The following PUDP variants were observed in gnomAD, a reference collection of about 807,000 sequenced individuals.
PUDP encodes the protein pseudouridine-5'-phosphatase.
Under a neutral mutation model 9.4 loss-of-function variants are expected in PUDP, and 8 were observed. The observed-to-expected ratio is 0.85, with a 90% CI of 0.50 to 1.53. PUDP has a LOEUF of 1.53. Ranked by LOEUF, PUDP falls within the 40% of genes most tolerant of loss-of-function variation. The pLI, the probability that PUDP is intolerant of heterozygous loss-of-function variation, is 0.00. For missense variants in PUDP, 188 were observed against 189.7 expected, an observed-to-expected ratio of 0.99 and a Z score of 0.05; for synonymous variants, 99 against 80.7, an observed-to-expected ratio of 1.23 and a Z score of -1.22.
chrX:7,056,928 T>C (rs1159062296), intron 3 of PUDP, among the ~76,000 whole-genome samples: 1 of 112,170 alleles, frequency 8.9e-6, no homozygotes, highest in Non-Finnish European at 1.9e-5. Flanking sequence ...AGCTGAAGGC[T>C]AAAATATATC....
chrX:7,024,106 T>C (rs1386048571), intron 1 of PUDP, among the ~76,000 whole-genome samples: 2 of 111,793 alleles, frequency 1.8e-5, no homozygotes, highest in East Asian at 5.6e-4. Flanking sequence ...GTATATTCAA[T>C]TGGATTTTTG....
chrX:6,835,893 C>A (rs1758981032), intron 3 of PUDP, among the ~76,000 whole-genome samples: 1 of 101,989 alleles, frequency 9.8e-6, no homozygotes, highest in African/African-American at 3.7e-5. Flanking sequence ...TTTATTTTTA[C>A]TTTTAGTAGA....
chrX:7,085,783 G>A, intron 2 of PUDP, among the ~76,000 whole-genome samples: 1 of 111,609 alleles, frequency 9.0e-6, no homozygotes, highest in East Asian at 2.8e-4. Flanking sequence ...GTGTCTCCTG[G>A]ACCAGACTCT....
chrX:7,029,226 G>A (rs947279308), intron 1 of PUDP, among the ~76,000 whole-genome samples: 3 of 111,896 alleles, frequency 2.7e-5, no homozygotes, highest in African/African-American at 9.8e-5. Flanking sequence ...GCCCAGGGAA[G>A]CCAAAAGATT....
chrX:6,712,660 A>T (rs960869909), intron 1 of PUDP, among the ~76,000 whole-genome samples: 1 of 111,742 alleles, frequency 8.9e-6, no homozygotes, highest in African/African-American at 3.3e-5. Flanking sequence ...TATACTGTGG[A>T]AGCAGCCCTC....
chrX:7,120,257 G>A (rs1215184397), intron 1 of PUDP, among the ~76,000 whole-genome samples: 2 of 111,513 alleles, frequency 1.8e-5, no homozygotes, highest in Admixed American at 9.5e-5. Flanking sequence ...GAATCTTGAG[G>A]TGGGGAGGTG....
intron 3 of PUDP, among the ~76,000 whole-genome samples, chrX:6,876,673 T>G (rs76078995): frequency 5.7e-4 from 38 of 66,574 alleles, no homozygotes; most frequent in East Asian, 2.5e-3. Flanking sequence ...GTGTGTGTGT[T>G]TGTGTACACA....
intron 1 of PUDP, among the ~76,000 whole-genome samples, chrX:7,109,673 G>A (rs1187001524): frequency 1.8e-5 from 2 of 112,235 alleles, no homozygotes; most frequent in African/African-American, 3.2e-5. Context: ...GAATAAGAAA[G>A]GATCTAAACA....
In PUDP at chrX:6,756,476, G is replaced by A. The variant is rs1925170412; in HGVS notation, c.*248-50010C>T. Among the ~76,000 whole-genome samples, 3 of 112,513 alleles carry A rather than the reference G, an allele frequency of 2.7e-5. No homozygotes were observed. In the South Asian group the frequency reaches 1.1e-3, roughly 41 times the overall value. ...GCACAGGCCTTCTTTTGGGAATGCTGAAAATATTCTGGAAATAGATAGTGG... is the reference window on the plus strand; with the variant it reads ...GCACAGGCCTTCTTTTGGGAATGCTAAAAATATTCTGGAAATAGATAGTGG... On this transcript the variant is annotated intron_variant and NMD_transcript_variant, in intron 3 of 3. Transcript: ENST00000655425.
chrX:6,726,862 C>A (rs755681142), intron 3 of PUDP, among the ~76,000 whole-genome samples: 1 of 111,403 alleles, frequency 9.0e-6, no homozygotes, highest in Non-Finnish European at 1.9e-5. Flanking sequence ...AGAGACCAAT[C>A]AATTAAAATC....
intron 3 of PUDP, among the ~76,000 whole-genome samples, chrX:6,861,986 G>A (rs1927009202): frequency 8.9e-6 from 1 of 111,842 alleles, no homozygotes; most frequent in Admixed American, 9.5e-5. Flanking sequence ...GACATGCTTA[G>A]TGAGAGGCTG....
At position 7,112,171 on chromosome X, in the gene PUDP, T is replaced by G. The variant is rs761576631; in HGVS notation, c.62-6333A>C. Among the ~76,000 whole-genome samples, 8 of 111,623 alleles carry G rather than the reference T, an allele frequency of 7.2e-5. No individual in the cohort carries two copies. The East Asian group carries it at 2.2e-3, about 31-fold the overall frequency. ...AAGCTTCTGAAAACACTGCAAAATCTGTACTGGGCTAGCATGAGGTGGTTT... is the reference window on the plus strand; with the variant it reads ...AAGCTTCTGAAAACACTGCAAAATCGGTACTGGGCTAGCATGAGGTGGTTT... On this transcript the variant is annotated intron_variant, in intron 1 of 3. Transcript: ENST00000381077.
chrX:6,831,710 C>CAGTT (rs1926506141), intron 3 of PUDP, among the ~76,000 whole-genome samples: 1 of 112,081 alleles, frequency 8.9e-6, no homozygotes, highest in Admixed American at 9.4e-5. Flanking sequence ...ATGTATTGAA[C>CAGTT]AGTTACTAGG....
At chrX:7,108,001 C>G (rs905993727) in intron 1 of PUDP, among the ~76,000 whole-genome samples, 6 of 112,370 alleles carry the variant, frequency 5.3e-5, no homozygotes, top group African/African-American at 1.9e-4. Flanking sequence ...GCTTTGTCTC[C>G]TGCATCTTTC....
chrX:6,816,396 A>G (rs1926236019), intron 3 of PUDP, among the ~76,000 whole-genome samples: 1 of 104,047 alleles, frequency 9.6e-6, no homozygotes, highest in South Asian at 4.1e-4. Context: ...GTATATGTAT[A>G]GTATATGTAC....
chrX:6,846,724 C>T (rs746363991), intron 3 of PUDP, among the ~76,000 whole-genome samples: 1 of 111,829 alleles, frequency 8.9e-6, no homozygotes, highest in Non-Finnish European at 1.9e-5. Context: ...TGATGAGCTA[C>T]TTTGTTCTAA....
At chrX:7,122,103 G>A (rs770955227) in intron 1 of PUDP, among the ~76,000 whole-genome samples, 1 of 111,043 alleles carries the variant, frequency 9.0e-6, no homozygotes, top group African/African-American at 3.3e-5. Context: ...TAAGAGAATC[G>A]GTTGAGCCCA....
chrX:6,922,303 C>T (rs1928036781), intron 3 of PUDP, among the ~76,000 whole-genome samples: 2 of 111,919 alleles, frequency 1.8e-5, no homozygotes, highest in Admixed American at 1.9e-4. Flanking sequence ...AGCAGATGGA[C>T]ACCCCATTCT....
intron 1 of PUDP, among the ~76,000 whole-genome samples, chrX:6,712,448 C>A (rs1266539833): frequency 8.9e-6 from 1 of 112,156 alleles, no homozygotes; most frequent in Non-Finnish European, 1.9e-5. Context: ...CCACGCCCAG[C>A]CTATGAGCCA....
Sources: allele counts gnomAD v4.1 joint callset (sites outside exome capture counted in the v4.1 genomes callset), GRCh38; gene constraint gnomAD v4.1.1; transcripts MANE v1.5; gene names NCBI Gene and HGNC (gene_info 2026-07-23, HGNC 2026-07-21).